FDFT1: variants seen among roughly 807,000 people sequenced by gnomAD.
The protein encoded by FDFT1 is farnesyl-diphosphate farnesyltransferase 1.
A neutral mutation model predicts 46.8 loss-of-function variants in FDFT1; 68 were observed. That is an observed-to-expected ratio of 1.45 (90% CI 1.19 to 1.78). The LOEUF (loss-of-function observed/expected upper bound fraction) is 1.78, where lower values mean the gene tolerates loss of function less well. FDFT1 is among the 40% of genes most tolerant of loss of function. FDFT1 has a pLI of 0.00. For synonymous variants in FDFT1, 351 were observed against 185.1 expected (o/e 1.90, Z -7.28); for missense variants, 928 against 524.4 (o/e 1.77, Z -7.52).
intron 7 of FDFT1, among the ~76,000 whole-genome samples, chr8:11,832,735 G>A (rs1424925361): frequency 6.6e-6 from 1 of 151,890 alleles, no homozygotes; most frequent in African/African-American, 2.4e-5. Context: ...GGGTGCTACT[G>A]GCATCTGGTG....
chr8:11,829,544 G>A (rs1021598578), intron 5 of FDFT1, among the ~76,000 whole-genome samples: 1 of 152,310 alleles, frequency 6.6e-6, no homozygotes, highest in South Asian at 2.1e-4. Context: ...TCTTGAGAAG[G>A]TTTACTGTTT....
intron 1 of FDFT1, chr8:11,808,142 C>G (rs1807109299): frequency 7.6e-6 from 4 of 525,864 alleles, no homozygotes; most frequent in African/African-American, 2.0e-5. Flanking sequence ...TAGCAGGATT[C>G]TTGGTAAAAC....
At chr8:11,808,626 G>A in intron 1 of FDFT1, 168 bp from the exon 2 acceptor site, 1 of 1,393,506 alleles carries the variant, frequency 7.2e-7, no homozygotes, top group Non-Finnish European at 9.3e-7. Context: ...CGCCCCGCGG[G>A]GCTGCTGCTT....
chr8:11,807,613 A>C (rs1177073187), intron 1 of FDFT1, among the ~76,000 whole-genome samples: 1 of 152,244 alleles, frequency 6.6e-6, no homozygotes, highest in Non-Finnish European at 1.5e-5. Flanking sequence ...AAAAATACAT[A>C]GTACAAACAG....
chr8:11,809,283 G>C (rs934085366), intron 2 of FDFT1: 2 of 1,097,376 alleles, frequency 1.8e-6, no homozygotes, highest in Middle Eastern at 4.1e-4. Flanking sequence ...ACTTAGACCA[G>C]TTGCCTTTAT....
intron 7 of FDFT1, among the ~76,000 whole-genome samples, chr8:11,833,998 G>GTA (rs1491164164): frequency 2.6e-5 from 4 of 152,224 alleles, no homozygotes; most frequent in Non-Finnish European, 5.9e-5. Context: ...AGTTTTAAAT[G>GTA]AAAACATTTT....
chr8:11,834,402 G>A lies in FDFT1; in HGVS notation c.1032+2732G>A, dbSNP rs533511413. Among the ~76,000 whole-genome samples the A allele has an allele frequency of 3.9e-5, 6 of 152,302 alleles. No individual in the cohort carries two copies. In the East Asian group the frequency reaches 1.2e-3, roughly 29 times the overall value. On this transcript the variant is annotated intron_variant, in intron 7 of 7. Transcript: ENST00000220584. ...GCCAGAAACCCCCATTCCCCTCTCT[G>A]CCAAAGTGAATTCCTTGGCAGGGAG...
At chr8:11,833,604 A>T (rs754509521) in intron 7 of FDFT1, among the ~76,000 whole-genome samples, 2 of 152,146 alleles carry the variant, frequency 1.3e-5, no homozygotes, top group African/African-American at 4.8e-5. Flanking sequence ...TGTAATTCAT[A>T]GTTTGAGGGC....
chr8:11,808,886 A>G lies in FDFT1; in HGVS notation c.192A>G (p.Glu64=), dbSNP rs747529407. ...CTGTTATCCAGGCGCTGGATGGGGA[A>G]ATGCGGTGAGTGATGGAGGCAGCGC... is the stretch of plus-strand genomic sequence containing the variant. ...FAAVIQALDG[E]MRNAVCIFYL... The change falls in exon 2 of 8, where the codon GAA becomes GAG. Residue 64 remains glutamate (E), a synonymous_variant. Transcript: ENST00000220584. The G allele has an allele frequency of 5.6e-6, 9 of 1,613,414 alleles. No individual in the cohort carries two copies. Among genetic ancestry groups the G allele is most frequent in the Non-Finnish European group, 6.8e-6 (8 of 1,179,812 alleles).
At chr8:11,808,964 C>G (rs1807313845) in intron 2 of FDFT1, 73 bp downstream of exon 2, 1 of 1,561,944 alleles carries the variant, frequency 6.4e-7, no homozygotes, top group African/African-American at 1.4e-5. Context: ...TGGAAGCTAC[C>G]TTTTGATATA....
chr8:11,830,434 C>A lies in FDFT1; in HGVS notation c.879+14C>A, dbSNP rs78698440. Reference sequence around the variant, plus strand: ...GCTATTCCACAGGTAGGGAAGGGGGCTCCTCTGGGTGGATACGGGGCTAAA... The same window carrying A: ...GCTATTCCACAGGTAGGGAAGGGGGATCCTCTGGGTGGATACGGGGCTAAA... On this transcript the variant is annotated intron_variant, in intron 6 of 7. Coordinates refer to ENST00000220584, the MANE Select transcript of FDFT1 (RefSeq NM_004462.5). 2.5e-3 allele frequency: 4,001 copies of A among 1,598,092 alleles called. 109 individuals carry two copies. The African/African-American group carries it at 0.048, about 19-fold the overall frequency.
At chr8:11,811,919 T>C (rs1807767770) in intron 3 of FDFT1, among the ~76,000 whole-genome samples, 1 of 152,232 alleles carries the variant, frequency 6.6e-6, no homozygotes, top group South Asian at 2.1e-4. Context: ...AACAGTGCCT[T>C]GTCTTCTTAA....
At chr8:11,804,730 C>T (rs1342709574) in intron 1 of FDFT1, among the ~76,000 whole-genome samples, 1 of 150,444 alleles carries the variant, frequency 6.6e-6, no homozygotes, top group East Asian at 2.0e-4. Flanking sequence ...CCTCAGCCTG[C>T]TGAGTAGCTG....
intron 1 of FDFT1, chr8:11,808,540 C>T (rs1263001445): frequency 2.2e-6 from 3 of 1,340,590 alleles, no homozygotes; most frequent in Non-Finnish European, 2.9e-6. Flanking sequence ...GCCTGCGGCA[C>T]CAAGGCCATG....
intron 1 of FDFT1, chr8:11,808,192 G>A: frequency 9.9e-7 from 1 of 1,007,448 alleles, no homozygotes; most frequent in Non-Finnish European, 1.2e-6. Flanking sequence ...ACAAAGTCCA[G>A]GCCTTATTGG....
chr8:11,825,348 C>T (rs754657197), intron 4 of FDFT1, among the ~76,000 whole-genome samples: 9 of 151,814 alleles, frequency 5.9e-5, no homozygotes, highest in African/African-American at 1.7e-4. Context: ...TCGAGACCAG[C>T]GTGGCCAACA....
intron 1 of FDFT1, among the ~76,000 whole-genome samples, chr8:11,806,481 G>GGA (rs1262262989): frequency 6.6e-6 from 1 of 152,196 alleles, no homozygotes; most frequent in Non-Finnish European, 1.5e-5. Context: ...GGTACGAGCT[G>GGA]GAGGAGTAAG....
upstream of FDFT1, among the ~76,000 whole-genome samples, chr8:11,800,121 G>A (rs192263184): frequency 9.4e-5 from 14 of 149,190 alleles, no homozygotes; most frequent in African/African-American, 3.0e-4. Flanking sequence ...TTACCCAGGC[G>A]TGGTGGTTGG....
At chr8:11,832,708 C>G (rs112644941) in intron 7 of FDFT1, among the ~76,000 whole-genome samples, 98 of 152,158 alleles carry the variant, frequency 6.4e-4, no homozygotes, top group Non-Finnish European at 6.5e-4. Context: ...TTTTGATTGT[C>G]CTAACCGGCA....
Sources: gnomAD v4.1 joint callset for allele counts (sites outside exome capture counted in the v4.1 genomes callset) on GRCh38, gnomAD v4.1.1 for gene constraint, MANE v1.5 for transcripts, NCBI Gene and HGNC (gene_info 2026-07-23, HGNC 2026-07-21) for gene names.